Variants in NELL2 observed in about 807,000 individuals in gnomAD.
NELL2 encodes protein kinase C-binding protein NELL2.
A neutral mutation model predicts 109.6 loss-of-function variants in NELL2; 41 were observed. The observed-to-expected ratio is 0.37, with a 90% confidence interval of 0.29 to 0.49. NELL2 has a LOEUF of 0.49. Among genes scored for constraint, NELL2 ranks in the 20% least tolerant of loss-of-function variants. The probability of loss-of-function intolerance (pLI) is 0.98; values close to 1 mark genes in which losing one functional copy is unlikely to be tolerated. For synonymous variants in NELL2, 355 were observed against 344.7 expected (o/e 1.03, Z -0.33); for missense variants, 900 against 1,008.3 (o/e 0.89, Z 1.45).
chr12:44,775,950 A>G (rs1692216786), intron 8 of NELL2, 72 bp downstream of exon 8: 1 of 1,540,276 alleles, frequency 6.5e-7, no homozygotes, highest in Admixed American at 2.0e-5. Flanking sequence ...TCATGATTAC[A>G]TTGTTTTAAT....
At chr12:44,689,046 A>G (rs565272921) in intron 12 of NELL2, among the ~76,000 whole-genome samples, 1 of 152,330 alleles carries the variant, frequency 6.6e-6, no homozygotes, top group South Asian at 2.1e-4. Flanking sequence ...TGTGGATACA[A>G]ATTTTCCTGG....
chr12:44,542,080 A>G (rs2139033572), intron 15 of NELL2, among the ~76,000 whole-genome samples: 1 of 152,310 alleles, frequency 6.6e-6, no homozygotes, highest in South Asian at 2.1e-4. Context: ...CCATTAGGCC[A>G]TGTAGTTCCT....
At chr12:44,726,531 T>C (rs1001129911) in intron 9 of NELL2, among the ~76,000 whole-genome samples, 1 of 152,184 alleles carries the variant, frequency 6.6e-6, no homozygotes, top group South Asian at 2.1e-4. Flanking sequence ...TCATTCAACT[T>C]TATTTCATTC....
At chr12:44,876,467 C>G (rs1293353073), upstream of NELL2, 1 of 1,297,888 alleles carries the variant, frequency 7.7e-7, no homozygotes. Flanking sequence ...ATGCCAAACC[C>G]GGTCTAGGGA....
chr12:44,708,110 AT>A (rs1937987399), intron 11 of NELL2, among the ~76,000 whole-genome samples: 1 of 152,174 alleles, frequency 6.6e-6, no homozygotes, highest in Admixed American at 6.5e-5. Context: ...TATCCACATT[AT>A]TTCTTTATCT....
intron 14 of NELL2, among the ~76,000 whole-genome samples, chr12:44,608,426 G>T: frequency 6.6e-6 from 1 of 152,096 alleles, no homozygotes; most frequent in South Asian, 2.1e-4. Flanking sequence ...TTGCAAGGTT[G>T]CAGCCTGTTG....
intron 2 of NELL2, among the ~76,000 whole-genome samples, chr12:44,818,746 T>A (rs1442632890): frequency 7.4e-6 from 1 of 134,604 alleles, no homozygotes; most frequent in African/African-American, 2.8e-5. Flanking sequence ...TTTATTTTTT[T>A]TTTTTTTGAG....
intron 13 of NELL2, among the ~76,000 whole-genome samples, chr12:44,660,131 G>A (rs1947685235): frequency 6.6e-6 from 1 of 152,124 alleles, no homozygotes; most frequent in Admixed American, 6.5e-5. Context: ...GACAATAAAA[G>A]GACACTGGGG....
intron 9 of NELL2, among the ~76,000 whole-genome samples, chr12:44,715,313 G>T (rs182591200): frequency 6.7e-6 from 1 of 148,528 alleles, no homozygotes; most frequent in Non-Finnish European, 1.5e-5. Flanking sequence ...AACCTGCCTT[G>T]CTTCCATCAC....
intron 11 of NELL2, among the ~76,000 whole-genome samples, chr12:44,707,689 G>A (rs142427435): frequency 1.3e-5 from 2 of 152,208 alleles, no homozygotes; most frequent in East Asian, 1.9e-4. Context: ...TTCTTTTAAT[G>A]TGTATAAGAA....
chr12:44,770,079 C>T (rs1406704687), intron 9 of NELL2, among the ~76,000 whole-genome samples: 1 of 152,086 alleles, frequency 6.6e-6, no homozygotes, highest in Non-Finnish European at 1.5e-5. Flanking sequence ...ATCTACCTGG[C>T]TTCATTATTC....
intron 12 of NELL2, among the ~76,000 whole-genome samples, chr12:44,679,589 G>A (rs1268764182): frequency 6.6e-6 from 1 of 152,080 alleles, no homozygotes; most frequent in Non-Finnish European, 1.5e-5. Context: ...CAGAACCTTT[G>A]TGAAGTTGAG....
chr12:44,591,910 T>C (rs1944766613), intron 15 of NELL2, among the ~76,000 whole-genome samples: 1 of 152,128 alleles, frequency 6.6e-6, no homozygotes, highest in Non-Finnish European at 1.5e-5. Flanking sequence ...CCACTTAAAA[T>C]TTTAAAAATT....
chr12:44,862,563 T>C (rs933274369), intron 2 of NELL2, among the ~76,000 whole-genome samples: 1 of 152,244 alleles, frequency 6.6e-6, no homozygotes, highest in Non-Finnish European at 1.5e-5. Flanking sequence ...TATATTTTAT[T>C]TTCACATTGA....
chr12:44,644,486 T>G (rs555294913), intron 13 of NELL2, among the ~76,000 whole-genome samples: 84 of 150,920 alleles, frequency 5.6e-4, no homozygotes, highest in South Asian at 1.1e-3. Flanking sequence ...CTTCATTTGA[T>G]GCAGGCTCAG....
At chr12:44,894,616 G>A (rs1945572809) in intron 1 of NELL2, among the ~76,000 whole-genome samples, 1 of 152,086 alleles carries the variant, frequency 6.6e-6, no homozygotes. Context: ...CGTTCTATCA[G>A]ATCTGTAAGG....
At chr12:44,760,956 C>T (rs1941098533) in intron 9 of NELL2, among the ~76,000 whole-genome samples, 1 of 151,978 alleles carries the variant, frequency 6.6e-6, no homozygotes, top group African/African-American at 2.4e-5. Flanking sequence ...AACATATTTG[C>T]AACATATATA....
intron 9 of NELL2, among the ~76,000 whole-genome samples, chr12:44,754,791 AT>A (rs1250837021): frequency 6.6e-6 from 1 of 152,248 alleles, no homozygotes; most frequent in Non-Finnish European, 1.5e-5. Flanking sequence ...ATAATAACCT[AT>A]TGAAAAGTAT....
At chr12:44,869,958 C>T (rs1227937400) in intron 2 of NELL2, among the ~76,000 whole-genome samples, 2 of 152,188 alleles carry the variant, frequency 1.3e-5, no homozygotes, top group Non-Finnish European at 2.9e-5. Flanking sequence ...AGCCAGAGTG[C>T]ACCTTCAACA....
Sources: allele counts gnomAD v4.1 joint callset (sites outside exome capture counted in the v4.1 genomes callset), GRCh38; gene constraint gnomAD v4.1.1; transcripts MANE v1.5; gene names NCBI Gene and HGNC (gene_info 2026-07-23, HGNC 2026-07-21).